PC: variants seen among roughly 807,000 people sequenced by gnomAD.
PC encodes the protein pyruvate carboxylase, also known as pyruvate carboxylase, mitochondrial.
Under a neutral mutation model 107.8 loss-of-function variants are expected in PC, and 46 were observed. The observed-to-expected ratio is 0.43, with a 90% confidence interval of 0.34 to 0.55. The LOEUF is 0.55. PC is among the 20% of genes least tolerant of loss of function. PC has a pLI of 0.04. For synonymous variants in PC, 662 were observed against 684.7 expected, an observed-to-expected ratio of 0.97 and a Z score of 0.52; for missense variants, 1,241 against 1,643.1, an observed-to-expected ratio of 0.76 and a Z score of 4.23.
intron 3 of PC, among the ~76,000 whole-genome samples, chr11:66,920,783 G>A (rs762755837): frequency 2.2e-4 from 34 of 152,276 alleles, no homozygotes; most frequent in African/African-American, 5.1e-4. Flanking sequence ...GGTGGCTCAC[G>A]CCTGTAATCC....
intron 3 of PC, among the ~76,000 whole-genome samples, chr11:66,939,675 AT>A (rs1358620513): frequency 3.3e-5 from 5 of 151,986 alleles, no homozygotes; most frequent in Non-Finnish European, 7.4e-5. Flanking sequence ...GTGGTGGCGC[AT>A]GCCTGTAATC....
At chr11:66,894,155 G>T (rs1266740240) in intron 3 of PC, among the ~76,000 whole-genome samples, 1 of 152,084 alleles carries the variant, frequency 6.6e-6, no homozygotes, top group East Asian at 1.9e-4. Context: ...GAAAAGTGGG[G>T]TAATTCTCTG....
chr11:66,849,319 C>T lies in PC; in HGVS notation c.3199G>A (p.Asp1067Asn), dbSNP rs527559823. The change falls in exon 22 of 23, where the codon GAC becomes AAC. Residue 1067 changes from aspartate (D) to asparagine (N), a missense_variant. Coordinates refer to ENST00000393960, the MANE Select transcript of PC (RefSeq NM_001040716.2). ...TLHIKALAVS[D>N]LNRAGQRQVF... ...TGCCTCTGGCCGGCCCGGTTCAGGT[C>T]GCTCACGGCCAGGGCTTTGATGTGC... 11 of 1,613,560 alleles carry T rather than the reference C, an allele frequency of 6.8e-6. No individual in the cohort carries two copies. The highest frequency in any genetic ancestry group is 3.3e-5 in the Admixed American group (2 of 60,032).
intron 3 of PC, among the ~76,000 whole-genome samples, chr11:66,903,487 C>A (rs1217435827): frequency 6.6e-6 from 1 of 151,392 alleles, no homozygotes; most frequent in Admixed American, 6.6e-5. Flanking sequence ...CGCCTGTAAT[C>A]CTTGCACTTT....
At chr11:66,875,296 G>A (rs917242470) in intron 3 of PC, among the ~76,000 whole-genome samples, 1 of 152,158 alleles carries the variant, frequency 6.6e-6, no homozygotes. Flanking sequence ...AAGATTCGTC[G>A]AGAGACCCCC....
chr11:66,859,224 C>G (rs1000607687), intron 12 of PC: 70 of 1,233,008 alleles, frequency 5.7e-5, no homozygotes, highest in Non-Finnish European at 7.2e-5. Flanking sequence ...GGCTGCTGGA[C>G]TCTTGGAGGA....
At position 66,871,735 on chromosome 11, in the gene PC, G is replaced by T; in HGVS notation, c.273C>A (p.Ala91=). ...GGATGTGCAGGTAGGCCTGCACGGG[G>T]GCCAGGCCGCGGCCGATGAGATAGG... ...DEAYLIGRGL[A]PVQAYLHIPD... is the part of the protein sequence containing the mutation. Residue 91 remains alanine, a synonymous_variant, in exon 5 of 23, where the codon GCC becomes GCA. Coordinates refer to ENST00000393960, the MANE Select transcript of PC (RefSeq NM_001040716.2). The surrounding 1 kb of genome is among the most constrained non-coding windows in gnomAD (Gnocchi z 7.4). 1 of 1,579,770 alleles carries T rather than the reference G, an allele frequency of 6.3e-7. No homozygotes were observed. The highest frequency in any genetic ancestry group is 8.6e-7 in the Non-Finnish European group (1 of 1,162,998).
chr11:66,881,914 G>A (rs540638999), intron 3 of PC, among the ~76,000 whole-genome samples: 8 of 152,252 alleles, frequency 5.3e-5, no homozygotes, highest in South Asian at 2.1e-4. Flanking sequence ...AGTAAGTCAC[G>A]GCTTTCATCA....
At position 66,848,720 on chromosome 11, in the gene PC, A is replaced by T. The variant is rs1225936908; in HGVS notation, c.*179T>A. On this transcript the variant is annotated 3_prime_UTR_variant, in exon 23 of 23. Coordinates refer to ENST00000393960, the MANE Select transcript of PC (RefSeq NM_001040716.2). ...CATGTAAGCAGCTGTCCGCCGGAGG[A>T]AAGGACGATGGCTGAAAGGAATGAA... 1.4e-6 allele frequency: 1 copy of T among 722,256 alleles called. No homozygotes were observed. The highest frequency in any genetic ancestry group is 1.8e-5 in the African/African-American group (1 of 56,900). 44.7% of individuals were successfully genotyped at this position (722,256 alleles called of 1,614,324 possible).
intron 3 of PC, among the ~76,000 whole-genome samples, chr11:66,948,595 T>C (rs999866783): frequency 6.6e-6 from 1 of 152,238 alleles, no homozygotes; most frequent in Non-Finnish European, 1.5e-5. Context: ...ATCCCAGCAC[T>C]TTGGGAGGCC....
At chr11:66,900,658 T>C (rs759913650) in intron 3 of PC, among the ~76,000 whole-genome samples, 1 of 152,214 alleles carries the variant, frequency 6.6e-6, no homozygotes, top group Non-Finnish European at 1.5e-5. Flanking sequence ...TTCCATTTAT[T>C]TGGGTCTTCT....
intron 3 of PC, among the ~76,000 whole-genome samples, chr11:66,909,313 A>G (rs1353547942): frequency 2.0e-5 from 3 of 152,212 alleles, no homozygotes; most frequent in Admixed American, 6.5e-5. Flanking sequence ...AGCCTCACCC[A>G]GGAGTGCCAT....
At chr11:66,938,497 C>T (rs1383645910) in intron 3 of PC, among the ~76,000 whole-genome samples, 3 of 152,028 alleles carry the variant, frequency 2.0e-5, no homozygotes, top group East Asian at 1.9e-4. Context: ...ACCTAGTACT[C>T]GACCGTAAGC....
In PC at chr11:66,858,700, A is replaced by C; in HGVS notation, c.1368+5074T>G. 1 of 1,550,406 alleles carries C rather than the reference A, an allele frequency of 6.4e-7. No homozygotes were observed. The highest frequency in any genetic ancestry group is 8.7e-7 in the Non-Finnish European group (1 of 1,145,736). ...ACCATGCACTGGGTCGGTCCTGACG[A>C]CCGGTTGGTTGGCAACTCCTCCCGA... On this transcript the variant is annotated intron_variant, in intron 12 of 22. Transcript: ENST00000393960. The surrounding 1 kb of genome is among the most constrained non-coding windows in gnomAD (Gnocchi z 5.9).
At chr11:66,855,839 G>C (rs576917393) in intron 12 of PC, among the ~76,000 whole-genome samples, 2 of 152,238 alleles carry the variant, frequency 1.3e-5, no homozygotes, top group African/African-American at 4.8e-5. Context: ...GCCTACAGGA[G>C]GAACTTGTTT....
At chr11:66,957,546 G>A (rs532237507) in intron 1 of PC, among the ~76,000 whole-genome samples, 1 of 152,332 alleles carries the variant, frequency 6.6e-6, no homozygotes, top group South Asian at 2.1e-4. Flanking sequence ...AGCCCGGGAG[G>A]TCGAGACTGC....
At chr11:66,887,031 A>T (rs948425547) in intron 3 of PC, among the ~76,000 whole-genome samples, 2 of 152,204 alleles carry the variant, frequency 1.3e-5, no homozygotes, top group Non-Finnish European at 2.9e-5. Flanking sequence ...GAGGCATCAC[A>T]TGGCTGTTGG....
chr11:66,930,881 G>A (rs1332299468), intron 3 of PC, among the ~76,000 whole-genome samples: 1 of 151,912 alleles, frequency 6.6e-6, no homozygotes, highest in Non-Finnish European at 1.5e-5. Context: ...TCAATGGAAA[G>A]CTCTACGGCA....
intron 1 of PC, among the ~76,000 whole-genome samples, chr11:66,957,367 A>G (rs1211822418): frequency 2.0e-5 from 3 of 152,226 alleles, no homozygotes; most frequent in African/African-American, 7.2e-5. Flanking sequence ...CTGTAATCTC[A>G]GCACTTTGGG....
Sources: allele counts gnomAD v4.1 joint callset (sites outside exome capture counted in the v4.1 genomes callset), GRCh38; gene constraint gnomAD v4.1.1; non-coding constraint Gnocchi (gnomAD v3.1); transcripts MANE v1.5; gene names NCBI Gene and HGNC (gene_info 2026-07-23, HGNC 2026-07-21).